The following ADARB2 variants were observed in gnomAD, a reference collection of about 807,000 sequenced individuals.
The protein encoded by ADARB2 is adenosine deaminase RNA specific B2 (inactive).
Under a neutral mutation model 62.2 loss-of-function variants are expected in ADARB2, and 25 were observed. That is an observed-to-expected ratio of 0.40 (90% CI 0.29 to 0.56). The LOEUF is 0.56. ADARB2 is among the 20% of genes least tolerant of loss of function. The pLI is 0.43. For synonymous variants in ADARB2, 572 were observed against 500.8 expected, an observed-to-expected ratio of 1.14 and a Z score of -1.90; for missense variants, 1,071 against 1,077.4, an observed-to-expected ratio of 0.99 and a Z score of 0.08.
intron 1 of ADARB2, among the ~76,000 whole-genome samples, chr10:1,597,776 T>C (rs1300194375): frequency 6.6e-6 from 1 of 152,260 alleles, no homozygotes; most frequent in Non-Finnish European, 1.5e-5. Flanking sequence ...ACTGGATATC[T>C]ACCCAAAGGG....
At chr10:1,712,638 C>G (rs9419501) in intron 1 of ADARB2, among the ~76,000 whole-genome samples, 132,407 of 132,934 alleles carry the variant, frequency 1, 65,950 homozygotes, top group Middle Eastern at 1. Context: ...ACGGAGTCTC[C>G]CTCTGTCCCC....
chr10:1,451,276 G>A (rs1831034153), intron 1 of ADARB2, among the ~76,000 whole-genome samples: 1 of 152,238 alleles, frequency 6.6e-6, no homozygotes, highest in African/African-American at 2.4e-5. Flanking sequence ...TGGGAAAGAC[G>A]GCAGAGTATT....
chr10:1,615,401 C>T (rs1434127634), intron 1 of ADARB2, among the ~76,000 whole-genome samples: 1 of 152,218 alleles, frequency 6.6e-6, no homozygotes, highest in Non-Finnish European at 1.5e-5. Context: ...CTGGATGTGG[C>T]CCAGGACTCA....
At chr10:1,453,354 C>A (rs1831061459) in intron 1 of ADARB2, among the ~76,000 whole-genome samples, 1 of 152,216 alleles carries the variant, frequency 6.6e-6, no homozygotes, top group South Asian at 2.1e-4. Context: ...AATCCAATGT[C>A]ATGACGCTTC....
Position 1,708,272 on chromosome 10 carries a change from GGGGATGAAGAAAA to G in ADARB2, c.100+28766_100+28778del, listed in dbSNP as rs375937343. On this transcript the variant is annotated intron_variant, in intron 1 of 9. Transcript: ENST00000381312. ...TTGCAGGAGAGGTGAGAAGATCAAAGGGGATGAAGAAAAGGGACCCTGGGCTCCCAACGCCAGG... is the reference window on the plus strand; with the variant it reads ...TTGCAGGAGAGGTGAGAAGATCAAAGGGGACCCTGGGCTCCCAACGCCAGG... 2.2e-3 allele frequency among the ~76,000 whole-genome samples: 335 copies of G among 152,246 alleles called. 1 individual carries two copies. Among genetic ancestry groups the G allele is most frequent in the African/African-American group, 5.1e-3 (213 of 41,544 alleles).
intron 1 of ADARB2, among the ~76,000 whole-genome samples, chr10:1,580,244 G>A (rs774812789): frequency 1.1e-4 from 16 of 152,140 alleles, no homozygotes; most frequent in Admixed American, 3.3e-4. Flanking sequence ...GCTGATAGAT[G>A]GTTTTTCAAT....
At position 1,371,819 on chromosome 10, in the gene ADARB2, T is replaced by C. The variant is rs990506375; in HGVS notation, c.187+7255A>G. 2.0e-5 allele frequency among the ~76,000 whole-genome samples: 3 copies of C among 150,752 alleles called. No individual in the cohort carries two copies. The East Asian group carries it at 5.8e-4, about 29-fold the overall frequency. On this transcript the variant is annotated intron_variant, in intron 2 of 9. Transcript: ENST00000381312. ...AAAAAAAAAAAAAATCCAACATGTT[T>C]GTGTGGATGCAGAGAAAAGGGGATG...
chr10:1,465,125 G>C (rs987282603), intron 1 of ADARB2, among the ~76,000 whole-genome samples: 1 of 152,202 alleles, frequency 6.6e-6, no homozygotes, highest in Non-Finnish European at 1.5e-5. Flanking sequence ...TGACAGGCAC[G>C]GGCTCAGGCG....
At position 1,204,749 on chromosome 10, in the gene ADARB2, G is replaced by C. The variant is rs191236158; in HGVS notation, c.1683-4602C>G. ...GACTGCCTCCTGCCGGGCTGCCCCT[G>C]CCTGGCCCTCAGGTGCCTGTGGTTT... On this transcript the variant is annotated intron_variant, in intron 7 of 9. Transcript: ENST00000381312. 8.9e-4 allele frequency among the ~76,000 whole-genome samples: 135 copies of C among 152,362 alleles called. 1 individual carries two copies. The highest frequency in any genetic ancestry group is 3.1e-3 in the African/African-American group (130 of 41,586).
chr10:1,217,361 T>C (rs558301188), intron 6 of ADARB2, among the ~76,000 whole-genome samples: 95 of 152,242 alleles, frequency 6.2e-4, no homozygotes, highest in African/African-American at 2.1e-3. Context: ...CCAGGCTTCA[T>C]GGGCCAGACT....
chr10:1,597,505 CAT>C (rs749003704), intron 1 of ADARB2, among the ~76,000 whole-genome samples: 23 of 152,198 alleles, frequency 1.5e-4, no homozygotes, highest in Middle Eastern at 3.4e-3. Context: ...GGCCAAGAAA[CAT>C]ATGAAAAAAT....
intron 3 of ADARB2, among the ~76,000 whole-genome samples, chr10:1,312,250 A>T (rs1372561088): frequency 6.6e-6 from 1 of 151,956 alleles, no homozygotes. Context: ...GCAGTGGGGG[A>T]TGCAGCTTCC....
intron 4 of ADARB2, among the ~76,000 whole-genome samples, chr10:1,243,532 C>G (rs931092173): frequency 6.6e-6 from 1 of 152,224 alleles, no homozygotes; most frequent in South Asian, 2.1e-4. Context: ...TTTTTCTCCC[C>G]TGAGAACTTA....
At chr10:1,502,962 C>T (rs767302136) in intron 1 of ADARB2, among the ~76,000 whole-genome samples, 30 of 151,992 alleles carry the variant, frequency 2.0e-4, no homozygotes, top group African/African-American at 4.1e-4. Context: ...TTATTTTTTG[C>T]GGCAATCTAG....
intron 1 of ADARB2, among the ~76,000 whole-genome samples, chr10:1,457,854 G>A (rs1435745651): frequency 1.8e-5 from 1 of 56,094 alleles, no homozygotes; most frequent in Admixed American, 2.0e-4. Context: ...AGAGGGCAAA[G>A]ACTGGAACAA....
intron 1 of ADARB2, among the ~76,000 whole-genome samples, chr10:1,582,256 A>C (rs1210416144): frequency 6.6e-6 from 1 of 152,270 alleles, no homozygotes; most frequent in African/African-American, 2.4e-5. Flanking sequence ...GTGGGAAGTG[A>C]CGTGACCCTG....
intron 1 of ADARB2, among the ~76,000 whole-genome samples, chr10:1,401,132 C>G (rs1459525592): frequency 1.3e-5 from 2 of 152,112 alleles, no homozygotes; most frequent in African/African-American, 4.8e-5. Context: ...TCCCGGCAGC[C>G]ACAAACACCG....
intron 3 of ADARB2, among the ~76,000 whole-genome samples, chr10:1,298,846 C>T (rs1831548009): frequency 6.8e-6 from 1 of 147,886 alleles, no homozygotes; most frequent in Non-Finnish European, 1.5e-5. Flanking sequence ...CTCAAGTGAT[C>T]CTCTCACTTT....
intron 1 of ADARB2, among the ~76,000 whole-genome samples, chr10:1,722,484 G>A (rs1358116140): frequency 6.6e-6 from 1 of 152,208 alleles, no homozygotes; most frequent in Non-Finnish European, 1.5e-5. Flanking sequence ...AGGGAACGCA[G>A]TAGGTCCTCA....
Sources: gnomAD v4.1 joint callset for allele counts (sites outside exome capture counted in the v4.1 genomes callset) on GRCh38, gnomAD v4.1.1 for gene constraint, MANE v1.5 for transcripts, NCBI Gene and HGNC (gene_info 2026-07-23, HGNC 2026-07-21) for gene names.